Variants in CACUL1 observed in about 807,000 individuals in gnomAD.
CACUL1 encodes the protein CDK2 associated cullin domain 1.
A neutral mutation model predicts 45.2 loss-of-function variants in CACUL1; 13 were observed. The observed-to-expected ratio is 0.29, with a 90% CI of 0.19 to 0.46. CACUL1 has a LOEUF of 0.46. CACUL1 is among the 20% of genes least tolerant of loss of function. The pLI is 1.00. For synonymous variants in CACUL1, 197 were observed against 174.2 expected, an observed-to-expected ratio of 1.13 and a Z score of -1.03; for missense variants, 421 against 471.4, an observed-to-expected ratio of 0.89 and a Z score of 0.99.
At chr10:118,736,945 T>C (rs575868147) in intron 1 of CACUL1, among the ~76,000 whole-genome samples, 3 of 152,274 alleles carry the variant, frequency 2.0e-5, no homozygotes, top group East Asian at 3.9e-4. Flanking sequence ...CTAAAAGCAA[T>C]AGGCTATATC....
At chr10:118,703,179 G>A (rs1269894576) in intron 4 of CACUL1, among the ~76,000 whole-genome samples, 1 of 152,042 alleles carries the variant, frequency 6.6e-6, no homozygotes, top group Non-Finnish European at 1.5e-5. Flanking sequence ...ATGCAAAAGA[G>A]TATGCAATAA....
chr10:118,733,550 G>A (rs962845178), intron 1 of CACUL1, among the ~76,000 whole-genome samples: 1 of 152,084 alleles, frequency 6.6e-6, no homozygotes. Flanking sequence ...TTATCTCAAC[G>A]CAATCCTTGG....
Position 118,754,438 on chromosome 10 carries a change from C to A in CACUL1, c.325G>T (p.Ala109Ser). Residue 109 changes from alanine to serine, a missense_variant, in exon 1 of 9, where the codon GCC (alanine) becomes TCC (serine). Around this residue, in one of 2 missense-constraint regions of CACUL1, gnomAD observed 213 missense variants for 173.1 expected, o/e 1.23. Coordinates refer to ENST00000369151, the MANE Select transcript of CACUL1 (RefSeq NM_153810.5). ...GTGTTGATGTTGATGGTGGAGCTGGCGGTGGGGGCGGGGGCCGCCTTGGCC... is the reference window on the plus strand; with the variant it reads ...GTGTTGATGTTGATGGTGGAGCTGGAGGTGGGGGCGGGGGCCGCCTTGGCC... Reference protein sequence around the residue: ...AVAKAAPAPTASSTININTST... With the variant: ...AVAKAAPAPTSSSTININTST... 1 of 1,591,024 alleles carries A rather than the reference C, an allele frequency of 6.3e-7. No homozygotes were observed. Among genetic ancestry groups the A allele is most frequent in the Non-Finnish European group, 8.5e-7 (1 of 1,170,452 alleles).
chr10:118,731,248 C>G (rs967286673), intron 1 of CACUL1, among the ~76,000 whole-genome samples: 1 of 152,178 alleles, frequency 6.6e-6, no homozygotes, highest in Non-Finnish European at 1.5e-5. Context: ...GTAACAACAA[C>G]GAGACCAGGT....
intron 1 of CACUL1, among the ~76,000 whole-genome samples, chr10:118,744,861 G>A (rs1845826615): frequency 6.6e-6 from 1 of 152,000 alleles, no homozygotes; most frequent in African/African-American, 2.4e-5. Context: ...TCACCACGTT[G>A]GCCAGGCTGG....
At chr10:118,734,529 C>G (rs1845723723) in intron 1 of CACUL1, among the ~76,000 whole-genome samples, 1 of 152,174 alleles carries the variant, frequency 6.6e-6, no homozygotes, top group Non-Finnish European at 1.5e-5. Context: ...AAATAATGAA[C>G]TACTTTTTAT....
intron 5 of CACUL1, among the ~76,000 whole-genome samples, chr10:118,700,803 T>G (rs1845372356): frequency 6.6e-6 from 1 of 151,886 alleles, no homozygotes; most frequent in Admixed American, 6.6e-5. Flanking sequence ...ATGAAATATT[T>G]TACAAATCCT....
intron 1 of CACUL1, among the ~76,000 whole-genome samples, chr10:118,753,898 G>A (rs781209904): frequency 3.9e-5 from 6 of 152,178 alleles, no homozygotes; most frequent in Non-Finnish European, 5.9e-5. Context: ...GTAGATATAG[G>A]TCAACTTTCA....
At position 118,720,397 on chromosome 10, in the gene CACUL1, T is replaced by TA. The variant is rs1845588796; in HGVS notation, c.597+8897dup. Among the ~76,000 whole-genome samples the TA allele has an allele frequency of 2.0e-5, 3 of 152,366 alleles. No individual in the cohort carries two copies. The South Asian group carries it at 6.2e-4, about 32-fold the overall frequency. ...AACACTTAGCAAACAGTAACTTACT[T>TA]ACACTACTTACACCTATTTGCTATT... On this transcript the variant is annotated intron_variant, in intron 3 of 8. Coordinates refer to ENST00000369151, the MANE Select transcript of CACUL1 (RefSeq NM_153810.5).
intron 4 of CACUL1, among the ~76,000 whole-genome samples, chr10:118,701,870 A>C (rs1005680187): frequency 6.6e-6 from 1 of 152,156 alleles, no homozygotes; most frequent in African/African-American, 2.4e-5. Context: ...CCTGGGGACC[A>C]CCTTTGGTTC....
At chr10:118,741,315 T>C (rs1161435592) in intron 1 of CACUL1, among the ~76,000 whole-genome samples, 4 of 152,212 alleles carry the variant, frequency 2.6e-5, no homozygotes, top group Non-Finnish European at 5.9e-5. Flanking sequence ...AGCAAATCTA[T>C]TGAAATTAAA....
At chr10:118,703,443 CTG>C (rs1483860430) in intron 4 of CACUL1, among the ~76,000 whole-genome samples, 1 of 151,826 alleles carries the variant, frequency 6.6e-6, no homozygotes, top group African/African-American at 2.4e-5. Flanking sequence ...GCATATTTTT[CTG>C]TGTCTTTCAT....
At chr10:118,723,121 A>G (rs1348849129) in intron 3 of CACUL1, among the ~76,000 whole-genome samples, 2 of 151,748 alleles carry the variant, frequency 1.3e-5, no homozygotes, top group Non-Finnish European at 3.0e-5. Flanking sequence ...AACATTTCAC[A>G]TAATAATAGA....
chr10:118,689,429 A>T (rs890041356), intron 7 of CACUL1, among the ~76,000 whole-genome samples: 1 of 152,220 alleles, frequency 6.6e-6, no homozygotes, highest in African/African-American at 2.4e-5. Context: ...AAAATGGTCT[A>T]ATTAAGTTTG....
chr10:118,720,580 AT>A (rs1259818968), intron 3 of CACUL1, among the ~76,000 whole-genome samples: 1 of 152,172 alleles, frequency 6.6e-6, no homozygotes, highest in Admixed American at 6.5e-5. Context: ...TATTTATGTG[AT>A]TTTACTCTCC....
rs1845100910 is a variant in CACUL1 at position 118,676,736 on chromosome 10, T to C, written c.*9392A>G. 1 of 152,198 alleles carries C rather than the reference T, an allele frequency of 6.6e-6. No homozygotes were observed. Among genetic ancestry groups the C allele is most frequent in the African/African-American group, 2.4e-5 (1 of 41,440 alleles). The allele number at this position is 152,198 out of a possible 1,614,324, so 9.4% of individuals were successfully genotyped here. A position where few individuals can be genotyped will look rare whatever the true frequency, so the allele number is the denominator to read the frequency against. On this transcript the variant is annotated 3_prime_UTR_variant, in exon 9 of 9. Coordinates refer to ENST00000369151, the MANE Select transcript of CACUL1 (RefSeq NM_153810.5). ...TTAACCACAAATACCACAAACAATA[T>C]TTTAAAACATTTTTACTTCATCTTT...
rs1267906622 is a variant in CACUL1 at position 118,707,661 on chromosome 10, A to G, written c.598-74T>C. On this transcript the variant is annotated intron_variant, in intron 3 of 8. Coordinates refer to ENST00000369151, the MANE Select transcript of CACUL1 (RefSeq NM_153810.5). ...CCTTCCACCATAATTTGAAACACAA[A>G]CAGAAGGAATTCAAAATTCATACTG... 6.1e-6 allele frequency: 4 copies of G among 653,960 alleles called. No individual in the cohort carries two copies. The Admixed American group carries it at 9.0e-5, about 15-fold the overall frequency. 40.5% of individuals were successfully genotyped at this position (653,960 alleles called of 1,614,324 possible).
In CACUL1 at chr10:118,754,498, T is replaced by A. The variant is rs536108616; in HGVS notation, c.265A>T (p.Met89Leu). The change falls in exon 1 of 9, where the codon ATG becomes TTG. Residue 89 changes from methionine (M) to leucine (L), a missense_variant. Transcript: ENST00000369151. ...GCCGCGTCGCAGCTCTTCAACATCA[T>A]GATCACCCCATTAGCCTCCGGCGGT... ...QPPPEANGVI[M>L]MLKSCDAAAA... 52 of 1,613,232 alleles carry A rather than the reference T, an allele frequency of 3.2e-5. No individual in the cohort carries two copies. The East Asian group carries it at 1.0e-3, about 32-fold the overall frequency.
chr10:118,681,827 C>G lies in CACUL1; in HGVS notation c.*4301G>C, dbSNP rs1417755091. On this transcript the variant is annotated 3_prime_UTR_variant, in exon 9 of 9. Transcript: ENST00000369151. ...TTGGCCAGTGGAGGAAGGAAGGTGT[C>G]CAGGACTTTAGTTAATCAACAGTGG... 1 of 152,186 alleles carries G rather than the reference C, an allele frequency of 6.6e-6. No individual in the cohort carries two copies. The highest frequency in any genetic ancestry group is 1.9e-4 in the East Asian group (1 of 5,184). The allele number at this position is 152,186 out of a possible 1,614,324, so 9.4% of individuals were successfully genotyped here.
Sources: gnomAD v4.1 joint callset for allele counts (sites outside exome capture counted in the v4.1 genomes callset) on GRCh38, gnomAD v4.1.1 for gene constraint, gnomAD v4.1.1 regional missense constraint, MANE v1.5 for transcripts, NCBI Gene and HGNC (gene_info 2026-07-23, HGNC 2026-07-21) for gene names.